Variants in C20orf96 observed in about 807,000 individuals in gnomAD.
C20orf96 encodes chromosome 20 open reading frame 96.
A neutral mutation model predicts 52.6 loss-of-function variants in C20orf96; 57 were observed. The observed-to-expected ratio is 1.08, with a 90% CI of 0.88 to 1.35. The LOEUF (loss-of-function observed/expected upper bound fraction) is 1.35. Ranked by LOEUF, C20orf96 falls within the 40% of genes most tolerant of loss-of-function variation. The pLI is 0.00. For missense variants in C20orf96, 478 were observed against 443.6 expected (o/e 1.08, Z -0.70); for synonymous variants, 168 against 157.2 (o/e 1.07, Z -0.51).
chr20:275,978 G>A lies in C20orf96; in HGVS notation c.1021C>T (p.Arg341Trp), dbSNP rs1246943904. Residue 341 changes from arginine (R) to tryptophan (W), a missense_variant, in exon 10 of 11, where the codon CGG becomes TGG. Arg to Trp is a moderately radical substitution (Grantham distance 101). Coordinates refer to ENST00000360321, the MANE Select transcript of C20orf96 (RefSeq NM_153269.3). ...REVIFEDVLL[R>W]RPKCTPDMDV... The stretch of plus-strand genomic sequence containing the variant: ...AAAAAGATCACATACTTGGGTCTCC[G>A]AAGCAGAACATCCTCAAATATGACC... 9.9e-6 allele frequency: 16 copies of A among 1,613,926 alleles called. No homozygotes were observed. Among genetic ancestry groups the A allele is most frequent in the Admixed American group, 6.7e-5 (4 of 59,994 alleles).
Position 284,099 on chromosome 20 carries a change from A to G in C20orf96, c.188-18T>C. The stretch of plus-strand genomic sequence containing the variant: ...GTGAAACACTAGGGGTAGACAGGAA[A>G]GGACAGGGAGAGAGTGAGGGTCCCG... On this transcript the variant is annotated intron_variant, in intron 3 of 10. Transcript: ENST00000360321. 1 of 1,602,358 alleles carries G rather than the reference A, an allele frequency of 6.2e-7. No homozygotes were observed. Among genetic ancestry groups the G allele is most frequent in the Non-Finnish European group, 8.6e-7 (1 of 1,169,364 alleles).
At chr20:273,423 G>A (rs575036042) in intron 10 of C20orf96, among the ~76,000 whole-genome samples, 40 of 152,272 alleles carry the variant, frequency 2.6e-4, no homozygotes, top group African/African-American at 8.4e-4. Flanking sequence ...CTCCCTTCCC[G>A]CCACTCTCCC....
Position 278,402 on chromosome 20 carries a change from T to C in C20orf96, c.493A>G (p.Asn165Asp). Residue 165 changes from asparagine (N) to aspartate (D), a missense_variant, in exon 6 of 11, where the codon AAC (asparagine) becomes GAC (aspartate). Transcript: ENST00000360321. ...TTCAATTGCTGCAGCCTCTTCTTGT[T>C]TGAGTACTCCAAGATGTCGATGATG... ...ATIIDILEYSNKKRLQQLKSE... is the reference protein window; with the variant it reads ...ATIIDILEYSDKKRLQQLKSE... 1 of 1,613,900 alleles carries C rather than the reference T, an allele frequency of 6.2e-7. No individual in the cohort carries two copies. The highest frequency in any genetic ancestry group is 8.5e-7 in the Non-Finnish European group (1 of 1,179,894).
chr20:281,395 G>C (rs1345458921), intron 4 of C20orf96, among the ~76,000 whole-genome samples: 1 of 152,100 alleles, frequency 6.6e-6, no homozygotes, highest in Non-Finnish European at 1.5e-5. Context: ...GCACTCATGT[G>C]CACTCAGTGA....
Position 276,009 on chromosome 20 carries a change from G to C in C20orf96, c.990C>G (p.Pro330=). The C allele has an allele frequency of 6.2e-7, 1 of 1,614,142 alleles. No individual in the cohort carries two copies. The highest frequency in any genetic ancestry group is 2.2e-5 in the East Asian group (1 of 44,876). ...VEELQAQTRE[P]REVIFEDVLL... Reference sequence around the variant, plus strand: ...GAACATCCTCAAATATGACCTCTCGGGGTTCCCGGGTCTGGGCTTGGAGCT... The same window carrying C: ...GAACATCCTCAAATATGACCTCTCGCGGTTCCCGGGTCTGGGCTTGGAGCT... Residue 330 remains proline, a synonymous_variant, in exon 10 of 11, where the codon CCC becomes CCG. Coordinates refer to ENST00000360321, the MANE Select transcript of C20orf96 (RefSeq NM_153269.3).
At chr20:273,117 G>A (rs551595914) in intron 10 of C20orf96, among the ~76,000 whole-genome samples, 1 of 152,324 alleles carries the variant, frequency 6.6e-6, no homozygotes, top group Admixed American at 6.5e-5. Flanking sequence ...TGGGACTACA[G>A]GCGCACGCCA....
chr20:288,776 A>G (rs79491380), intron 3 of C20orf96, among the ~76,000 whole-genome samples: 3,802 of 152,296 alleles, frequency 0.025, 159 homozygotes, highest in African/African-American at 0.086. Context: ...TTATACATAG[A>G]TGTATACATA....
At chr20:288,158 C>CTTTCTTTTTCTTTTTCTT (rs1259666441) in intron 3 of C20orf96, among the ~76,000 whole-genome samples, 38 of 89,756 alleles carry the variant, frequency 4.2e-4, no homozygotes, top group Non-Finnish European at 5.4e-4. Flanking sequence ...TAAATCATTT[C>CTTTCTTTTTCTTTTTCTT]TTTCTTTTTC....
intron 9 of C20orf96, 146 bp from the exon 10 acceptor site, chr20:276,232 A>G: frequency 1.9e-5 from 28 of 1,499,878 alleles, no homozygotes; most frequent in Non-Finnish European, 2.1e-5. Context: ...CAGGGAGGGG[A>G]CTTCCCCATG....
Position 279,259 on chromosome 20 carries a change from G to A in C20orf96, c.378C>T (p.Asn126=). 6.2e-7 allele frequency: 1 copy of A among 1,611,228 alleles called. No homozygotes were observed. The highest frequency in any genetic ancestry group is 8.5e-7 in the Non-Finnish European group (1 of 1,179,278). Residue 126 remains asparagine, a synonymous_variant, in exon 5 of 11, where the codon AAC becomes AAT. Coordinates refer to ENST00000360321, the MANE Select transcript of C20orf96 (RefSeq NM_153269.3). ...RSRENFLSKL[N]RELIETIQEM... is the part of the protein sequence containing the mutation. Reference sequence around the variant, plus strand: ...CCTGGATGGTCTCGATCAGCTCCCGGTTGAGCTTGCTGAGGAAGTTCTCAC... The same window carrying A: ...CCTGGATGGTCTCGATCAGCTCCCGATTGAGCTTGCTGAGGAAGTTCTCAC...
chr20:283,833 G>A (rs2012312470), intron 4 of C20orf96, 130 bp downstream of exon 4: 1 of 689,834 alleles, frequency 1.4e-6, no homozygotes, highest in Non-Finnish European at 2.6e-6. Context: ...GGATAAGCGT[G>A]CTCACACAGT....
Position 290,629 on chromosome 20 carries a change from A to C in C20orf96, c.-19T>G. ...GCGCCATTGGGGAAAATGGAAGAGA[A>C]GTTGCGAGTCTGTGAGACCCTGATC... is the stretch of plus-strand genomic sequence containing the variant. On this transcript the variant is annotated 5_prime_UTR_variant, in exon 1 of 11. Coordinates refer to ENST00000360321, the MANE Select transcript of C20orf96 (RefSeq NM_153269.3). 6.2e-7 allele frequency: 1 copy of C among 1,610,028 alleles called. No homozygotes were observed. The highest frequency in any genetic ancestry group is 8.5e-7 in the Non-Finnish European group (1 of 1,179,452).
intron 3 of C20orf96, among the ~76,000 whole-genome samples, chr20:284,604 T>C (rs902113392): frequency 2.0e-5 from 3 of 152,190 alleles, no homozygotes; most frequent in African/African-American, 4.8e-5. Flanking sequence ...GCCTGTAATC[T>C]CAACACTTTG....
chr20:281,643 G>C (rs1391505562), intron 4 of C20orf96, among the ~76,000 whole-genome samples: 5 of 152,174 alleles, frequency 3.3e-5, no homozygotes, highest in African/African-American at 1.2e-4. Context: ...CACCCTCACA[G>C]CAAGACTAAG....
chr20:278,497 T>G (rs1326835520), intron 5 of C20orf96, 68 bp from the exon 6 acceptor site: 10 of 1,207,238 alleles, frequency 8.3e-6, no homozygotes, highest in Admixed American at 3.4e-5. Context: ...ACCCAGCACT[T>G]CCTCAGAGGA....
At chr20:284,434 C>A (rs186539100) in intron 3 of C20orf96, among the ~76,000 whole-genome samples, 2 of 152,222 alleles carry the variant, frequency 1.3e-5, no homozygotes, top group African/African-American at 4.8e-5. Flanking sequence ...CAGCACAGGA[C>A]AGCAGAAAGA....
intron 2 of C20orf96, 68 bp from the exon 3 acceptor site, chr20:289,744 C>G (rs2012489351): frequency 7.7e-7 from 1 of 1,294,546 alleles, no homozygotes; most frequent in Non-Finnish European, 1.1e-6. Flanking sequence ...TTTCAGATAT[C>G]TGTGACCCCA....
intron 3 of C20orf96, among the ~76,000 whole-genome samples, chr20:286,504 C>G (rs1056125429): frequency 5.5e-5 from 7 of 127,090 alleles, no homozygotes; most frequent in Admixed American, 9.9e-5. Flanking sequence ...GTAAGAGAGA[C>G]AGAGAGAGAG....
chr20:279,913 T>TGA (rs1398054325), intron 4 of C20orf96, among the ~76,000 whole-genome samples: 2 of 152,028 alleles, frequency 1.3e-5, no homozygotes, highest in African/African-American at 4.8e-5. Context: ...GAGGTTGCAG[T>TGA]GAGCGAGATG....
Sources: gnomAD v4.1 joint callset for allele counts (sites outside exome capture counted in the v4.1 genomes callset) on GRCh38, gnomAD v4.1.1 for gene constraint, MANE v1.5 for transcripts, NCBI Gene and HGNC (gene_info 2026-07-23, HGNC 2026-07-21) for gene names.